TXNDC11: variants seen among roughly 807,000 people sequenced by gnomAD.
TXNDC11 encodes thioredoxin domain-containing protein 11.
Under a neutral mutation model 78.0 loss-of-function variants are expected in TXNDC11, and 68 were observed. The observed-to-expected ratio is 0.87, with a 90% CI of 0.72 to 1.07. TXNDC11 has a LOEUF of 1.07. Among genes scored for constraint, TXNDC11 ranks in the 50% least tolerant of loss-of-function variants. TXNDC11 has a pLI of 0.00. For synonymous variants in TXNDC11, 571 were observed against 495.2 expected, an observed-to-expected ratio of 1.15 and a Z score of -2.03; for missense variants, 1,389 against 1,221.8, an observed-to-expected ratio of 1.14 and a Z score of -2.04.
Position 11,679,453 on chromosome 16 carries a change from C to T in TXNDC11, c.2619G>A (p.Leu873=). 6.2e-7 allele frequency: 1 copy of T among 1,613,818 alleles called. No homozygotes were observed. The highest frequency in any genetic ancestry group is 2.2e-5 in the East Asian group (1 of 44,876). Residue 873 remains leucine, a synonymous_variant, in exon 12 of 12, where the codon CTG becomes CTA. Transcript: ENST00000283033. The surrounding 1 kb of genome is among the most constrained non-coding windows in gnomAD (Gnocchi z 4.6). ...CGGCCAGCTCCTGCAGCTTGCGGGCCAGCTCCTGCAGCTCACGTGTCTTCT... is the reference window on the plus strand; with the variant it reads ...CGGCCAGCTCCTGCAGCTTGCGGGCTAGCTCCTGCAGCTCACGTGTCTTCT... ...YEQKTRELQE[L]ARKLQELADA...
intron 4 of TXNDC11, among the ~76,000 whole-genome samples, 168 bp downstream of exon 4, chr16:11,730,477 C>T (rs1229925869): frequency 6.6e-6 from 1 of 152,226 alleles, no homozygotes; most frequent in Non-Finnish European, 1.5e-5. Flanking sequence ...GACAAACCAT[C>T]CTTATAATCA....
chr16:11,680,100 GAC>G (rs1428642448), intron 11 of TXNDC11, among the ~76,000 whole-genome samples: 1 of 152,218 alleles, frequency 6.6e-6, no homozygotes, highest in African/African-American at 2.4e-5. Flanking sequence ...CTCCAAGAAA[GAC>G]AAGAGCTCCT....
chr16:11,721,437 TA>T (rs757918828), intron 5 of TXNDC11, 139 bp downstream of exon 5: 989 of 467,026 alleles, frequency 2.1e-3, no homozygotes, highest in East Asian at 3.2e-3. Flanking sequence ...AGACTCCATC[TA>T]AAAAAAAATA....
At position 11,691,987 on chromosome 16, in the gene TXNDC11, C is replaced by T. The variant is rs201936463; in HGVS notation, c.1203G>A (p.Leu401=). 6 of 1,595,140 alleles carry T rather than the reference C, an allele frequency of 3.8e-6. No homozygotes were observed. The highest frequency in any genetic ancestry group is 5.1e-6 in the Non-Finnish European group (6 of 1,169,290). The change falls in exon 8 of 12, where the codon CTG becomes CTA. Residue 401 remains leucine (L), a synonymous_variant. Transcript: ENST00000283033. ...QHLRRVDAPV[L]ESLALEVPAQ... is the part of the protein sequence containing the mutation. ...CCGGCACTTCCAGGGCCAGGGACTC[C>T]AGCACTGGAGCATCCACCCGCCGCA...
At chr16:11,699,376 T>C (rs2050945298) in intron 6 of TXNDC11, among the ~76,000 whole-genome samples, 1 of 152,142 alleles carries the variant, frequency 6.6e-6, no homozygotes, top group African/African-American at 2.4e-5. Context: ...ATGAAGGATG[T>C]AGGAAAATGA....
At chr16:11,731,594 T>C (rs1257517211) in intron 3 of TXNDC11, among the ~76,000 whole-genome samples, 1 of 151,902 alleles carries the variant, frequency 6.6e-6, no homozygotes, top group East Asian at 1.9e-4. Flanking sequence ...AAACAGAAAT[T>C]GACATTAAGC....
chr16:11,700,705 C>T (rs543521196), intron 5 of TXNDC11, 141 bp from the exon 6 acceptor site: 29 of 574,434 alleles, frequency 5.0e-5, no homozygotes, highest in African/African-American at 1.7e-4. Flanking sequence ...AAGGAAGAGG[C>T]GCTGAGGAAC....
In TXNDC11 at chr16:11,683,505, G is replaced by C. The variant is rs1256404378; in HGVS notation, c.2234+660C>G. Among the ~76,000 whole-genome samples the C allele has an allele frequency of 3.9e-5, 6 of 152,142 alleles. No individual in the cohort carries two copies. In the East Asian group the frequency reaches 9.6e-4, roughly 24 times the overall value. The stretch of plus-strand genomic sequence containing the variant: ...AAGTGGAAGGCTTGGGGCAGGCAGG[G>C]CTCCACAGATTCTCTGCTGTTTTGC... On this transcript the variant is annotated intron_variant, in intron 11 of 11. Transcript: ENST00000283033.
chr16:11,716,183 C>A (rs770019364), intron 5 of TXNDC11, among the ~76,000 whole-genome samples: 5 of 152,210 alleles, frequency 3.3e-5, no homozygotes, highest in African/African-American at 1.2e-4. Context: ...CAGCCCACTG[C>A]TTTTCTCCCT....
chr16:11,737,851 CAAAAAA>C (rs538318388), intron 1 of TXNDC11, among the ~76,000 whole-genome samples: 11 of 54,184 alleles, frequency 2.0e-4, no homozygotes, highest in Non-Finnish European at 3.6e-4. Flanking sequence ...CTACGTCTCT[CAAAAAA>C]AAAAAAAAAA....
At chr16:11,691,265 T>G (rs1423903059) in intron 8 of TXNDC11, 25 bp downstream of exon 8, 4 of 1,581,960 alleles carry the variant, frequency 2.5e-6, no homozygotes, top group Non-Finnish European at 3.4e-6. Flanking sequence ...GTACAATGCT[T>G]GGGGAAATAA....
chr16:11,704,322 T>A (rs1228477419), intron 5 of TXNDC11, among the ~76,000 whole-genome samples: 1 of 152,052 alleles, frequency 6.6e-6, no homozygotes, highest in East Asian at 1.9e-4. Flanking sequence ...GAAAAAAGAA[T>A]GAAAGAAACA....
At chr16:11,723,751 T>A (rs962668887) in intron 4 of TXNDC11, among the ~76,000 whole-genome samples, 10 of 152,184 alleles carry the variant, frequency 6.6e-5, no homozygotes, top group African/African-American at 2.2e-4. Context: ...TCTGGCAATT[T>A]TACTTAACTC....
intron 3 of TXNDC11, among the ~76,000 whole-genome samples, chr16:11,733,594 TG>T (rs1384363596): frequency 6.6e-6 from 1 of 152,170 alleles, no homozygotes; most frequent in Non-Finnish European, 1.5e-5. Flanking sequence ...ATAGAATAGA[TG>T]GTAAGATACA....
intron 4 of TXNDC11, among the ~76,000 whole-genome samples, chr16:11,728,263 T>C (rs1449492041): frequency 2.0e-5 from 3 of 152,220 alleles, no homozygotes; most frequent in Non-Finnish European, 4.4e-5. Context: ...TTTGGTATAT[T>C]TTGCAAGACA....
chr16:11,739,348 T>G (rs1006655230), intron 1 of TXNDC11, among the ~76,000 whole-genome samples: 1 of 152,074 alleles, frequency 6.6e-6, no homozygotes, highest in African/African-American at 2.4e-5. Context: ...TACAAAAAAC[T>G]CGAGTTGGTT....
At chr16:11,734,689 T>G (rs551586157) in intron 2 of TXNDC11, among the ~76,000 whole-genome samples, 7 of 152,356 alleles carry the variant, frequency 4.6e-5, no homozygotes, top group Non-Finnish European at 8.8e-5. Context: ...ACACAATAGA[T>G]ATCCCTCTTG....
At position 11,679,840 on chromosome 16, in the gene TXNDC11, GGAGA is replaced by G. The variant is rs766315173; in HGVS notation, c.2235-7_2235-4del. On this transcript the variant is annotated splice_polypyrimidine_tract_variant and splice_region_variant and intron_variant, in intron 11 of 11. Transcript: ENST00000283033. The surrounding 1 kb of genome is among the most constrained non-coding windows in gnomAD (Gnocchi z 4.6). Reference sequence around the variant, plus strand: ...GGTATTTCACACTTAGGTCCTTTCTGGAGAGAGAGGGAAAGGAAGCAAAGACAGG... The same window carrying G: ...GGTATTTCACACTTAGGTCCTTTCTGGAGAGGGAAAGGAAGCAAAGACAGG... 2 of 1,602,160 alleles carry G rather than the reference GGAGA, an allele frequency of 1.2e-6. No homozygotes were observed. The highest frequency in any genetic ancestry group is 2.2e-5 in the East Asian group (1 of 44,624).
intron 1 of TXNDC11, among the ~76,000 whole-genome samples, chr16:11,739,032 GA>G (rs1005842980): frequency 2.3e-4 from 34 of 146,452 alleles, no homozygotes; most frequent in African/African-American, 7.5e-4. Flanking sequence ...CATCTCAAAA[GA>G]AAAAAAAAAT....
Sources: allele counts gnomAD v4.1 joint callset (sites outside exome capture counted in the v4.1 genomes callset), GRCh38; gene constraint gnomAD v4.1.1; non-coding constraint Gnocchi (gnomAD v3.1); transcripts MANE v1.5; gene names NCBI Gene and HGNC (gene_info 2026-07-23, HGNC 2026-07-21).